The following NIPAL3 variants were observed in gnomAD, a reference collection of about 807,000 sequenced individuals.
The protein encoded by NIPAL3 is NIPA-like protein 3.
In NIPAL3, 41 loss-of-function variants were observed where a neutral mutation model predicts 47.2. That is an observed-to-expected ratio of 0.87 (90% CI 0.68 to 1.13). The LOEUF (loss-of-function observed/expected upper bound fraction) is 1.13. Among genes scored for constraint, NIPAL3 ranks in the 50% most tolerant of loss-of-function variants. The pLI, the probability that NIPAL3 is intolerant of heterozygous loss-of-function variation, is 0.00. For synonymous variants in NIPAL3, 194 were observed against 209.6 expected (o/e 0.93, Z 0.64); for missense variants, 449 against 530.1 (o/e 0.85, Z 1.50).
chr1:24,462,744 G>A (rs1237372766), intron 10 of NIPAL3, among the ~76,000 whole-genome samples: 1 of 152,028 alleles, frequency 6.6e-6, no homozygotes, highest in African/African-American at 2.4e-5. Context: ...TCCAGCCTGG[G>A]CGACAGAGCA....
At chr1:24,422,695 C>T (rs1422339473) in intron 2 of NIPAL3, among the ~76,000 whole-genome samples, 1 of 152,190 alleles carries the variant, frequency 6.6e-6, no homozygotes, top group African/African-American at 2.4e-5. Context: ...CTCCATCATC[C>T]TGAGAAATCA....
At chr1:24,425,687 C>T (rs1644549748) in intron 2 of NIPAL3, among the ~76,000 whole-genome samples, 1 of 152,130 alleles carries the variant, frequency 6.6e-6, no homozygotes, top group Non-Finnish European at 1.5e-5. Flanking sequence ...GCTCTCTGCA[C>T]CAGCTCTGTT....
chr1:24,414,335 C>T (rs539124188), upstream of NIPAL3: 1 of 151,658 alleles, frequency 6.6e-6, no homozygotes, highest in Non-Finnish European at 1.5e-5. Context: ...CGTGAGCCAC[C>T]ACGCCCGGCC....
At chr1:24,457,597 A>G in intron 8 of NIPAL3, 1 of 381,790 alleles carries the variant, frequency 2.6e-6, no homozygotes, top group Non-Finnish European at 5.2e-6. Flanking sequence ...TGTACAGGAT[A>G]TTATCCCCAT....
At chr1:24,452,284 T>C (rs1281928378) in intron 6 of NIPAL3, among the ~76,000 whole-genome samples, 1 of 152,226 alleles carries the variant, frequency 6.6e-6, no homozygotes, top group Non-Finnish European at 1.5e-5. Context: ...GGTAAGTTTC[T>C]ACTGATAGAG....
At chr1:24,438,554 G>C (rs183004376) in intron 2 of NIPAL3, among the ~76,000 whole-genome samples, 160 of 152,380 alleles carry the variant, frequency 1.1e-3, no homozygotes, top group Admixed American at 1.8e-3. Flanking sequence ...GGGCAGGGGG[G>C]AGGGTTGACT....
intron 2 of NIPAL3, among the ~76,000 whole-genome samples, chr1:24,427,031 ACCCCTAAAATAAC>A (rs951314982): frequency 6.6e-6 from 1 of 152,158 alleles, no homozygotes; most frequent in Non-Finnish European, 1.5e-5. Flanking sequence ...TGAATGCTCC[ACCCCTAAAATAAC>A]CCCAGTGAAG....
chr1:24,425,958 C>T (rs925003683), intron 2 of NIPAL3, among the ~76,000 whole-genome samples: 3 of 152,160 alleles, frequency 2.0e-5, no homozygotes, highest in Non-Finnish European at 2.9e-5. Flanking sequence ...AGCCAATTAA[C>T]AATGATTATT....
At chr1:24,459,032 C>A in intron 9 of NIPAL3, 56 bp downstream of exon 9, 2 of 1,495,086 alleles carry the variant, frequency 1.3e-6, no homozygotes, top group Non-Finnish European at 1.9e-6. Context: ...AGGGTATTAT[C>A]CCAGGGCAGA....
chr1:24,441,951 C>A, intron 3 of NIPAL3, 104 bp from the exon 4 acceptor site: 1 of 1,211,826 alleles, frequency 8.3e-7, no homozygotes, highest in Non-Finnish European at 1.2e-6. Context: ...CCTGACAAGT[C>A]TTCCCAATTT....
At chr1:24,456,094 C>A in intron 7 of NIPAL3, 44 bp from the exon 8 acceptor site, 1 of 1,611,734 alleles carries the variant, frequency 6.2e-7, no homozygotes, top group Non-Finnish European at 8.5e-7. Context: ...TAACTCTCTG[C>A]ATTTCCCTGA....
intron 3 of NIPAL3, 59 bp from the exon 4 acceptor site, chr1:24,441,996 A>C (rs1645410314): frequency 3.2e-6 from 5 of 1,574,312 alleles, no homozygotes; most frequent in Non-Finnish European, 4.3e-6. Context: ...GGGTACCTAC[A>C]TCATAGCATT....
intron 8 of NIPAL3, among the ~76,000 whole-genome samples, chr1:24,456,996 C>T (rs1409815102): frequency 6.6e-6 from 1 of 152,160 alleles, no homozygotes; most frequent in Non-Finnish European, 1.5e-5. Flanking sequence ...CTCCTAACCT[C>T]AAGTGATCCA....
chr1:24,436,349 T>G (rs951413740), intron 2 of NIPAL3, among the ~76,000 whole-genome samples: 8 of 152,126 alleles, frequency 5.3e-5, no homozygotes, highest in Non-Finnish European at 1.0e-4. Context: ...GAGTGCTGGC[T>G]TCTTCGCCTA....
intron 1 of NIPAL3, among the ~76,000 whole-genome samples, chr1:24,417,921 A>G (rs1369780856): frequency 6.6e-6 from 1 of 152,246 alleles, no homozygotes; most frequent in Non-Finnish European, 1.5e-5. Flanking sequence ...CTCAGTAAAT[A>G]TTTGTTGGAT....
intron 4 of NIPAL3, among the ~76,000 whole-genome samples, chr1:24,443,135 T>C (rs1038772320): frequency 6.6e-6 from 1 of 152,246 alleles, no homozygotes; most frequent in African/African-American, 2.4e-5. Flanking sequence ...TTCTGTGATT[T>C]CTGTAATCAC....
At chr1:24,429,185 A>G (rs997393625) in intron 2 of NIPAL3, among the ~76,000 whole-genome samples, 1 of 152,136 alleles carries the variant, frequency 6.6e-6, no homozygotes, top group African/African-American at 2.4e-5. Flanking sequence ...CGAGGTGGGC[A>G]GATCACCTGA....
chr1:24,432,844 A>G (rs1200273515), intron 2 of NIPAL3, among the ~76,000 whole-genome samples: 1 of 152,252 alleles, frequency 6.6e-6, no homozygotes, highest in African/African-American at 2.4e-5. Context: ...AATCTTTACA[A>G]CAAGGCTAGT....
At chr1:24,418,843 A>G (rs1417276992) in intron 1 of NIPAL3, among the ~76,000 whole-genome samples, 2 of 150,952 alleles carry the variant, frequency 1.3e-5, no homozygotes, top group African/African-American at 4.9e-5. Flanking sequence ...TCTGTTTTCC[A>G]TGGATGTAGC....
Sources: allele counts gnomAD v4.1 joint callset (sites outside exome capture counted in the v4.1 genomes callset), GRCh38; gene constraint gnomAD v4.1.1; transcripts MANE v1.5; gene names NCBI Gene and HGNC (gene_info 2026-07-23, HGNC 2026-07-21).